Variants in MLLT3 observed in about 807,000 individuals in gnomAD.
The protein encoded by MLLT3 is protein AF-9.
MLLT3 carries 4 observed loss-of-function variants against 53.2 expected under a neutral mutation model. The ratio of observed to expected loss-of-function variants is 0.08; its 90% CI spans 0.04 to 0.17. MLLT3 has a LOEUF of 0.17. Among genes scored for constraint, MLLT3 ranks in the 10% least tolerant of loss-of-function variants. The probability of loss-of-function intolerance (pLI) is 1.00; values close to 1 mark genes in which losing one functional copy is unlikely to be tolerated. For missense variants in MLLT3, 569 were observed against 684.0 expected (o/e 0.83, Z 1.87); for synonymous variants, 283 against 230.6 (o/e 1.23, Z -2.06).
intron 2 of MLLT3, among the ~76,000 whole-genome samples, chr9:20,534,506 A>C (rs1818427962): frequency 6.6e-6 from 1 of 152,074 alleles, no homozygotes; most frequent in African/African-American, 2.4e-5. Flanking sequence ...TTCATTTTTC[A>C]CTCTGCTTTG....
At chr9:20,394,441 T>G (rs1822267942) in intron 5 of MLLT3, among the ~76,000 whole-genome samples, 1 of 152,170 alleles carries the variant, frequency 6.6e-6, no homozygotes, top group South Asian at 2.1e-4. Context: ...GAGAATTAAC[T>G]GTTTAAGGCT....
chr9:20,620,864 G>C lies in MLLT3; in HGVS notation c.13-30C>G, dbSNP rs1296463826. On this transcript the variant is annotated intron_variant, in intron 1 of 10. Transcript: ENST00000380338. The surrounding 1 kb of genome is among the most constrained non-coding windows in gnomAD (Gnocchi z 6.1). ...GGGCAGGGGGAGGAGAGACAGCCGT[G>C]AATAACAGGAAGGCGAGGTTTCGGC... The C allele has an allele frequency of 6.2e-7, 1 of 1,605,120 alleles. No individual in the cohort carries two copies. Among genetic ancestry groups the C allele is most frequent in the Non-Finnish European group, 8.5e-7 (1 of 1,174,758 alleles).
intron 4 of MLLT3, among the ~76,000 whole-genome samples, chr9:20,427,563 C>T (rs140523425): frequency 3.0e-3 from 458 of 151,834 alleles, no homozygotes; most frequent in African/African-American, 0.011. Context: ...CAAATATGAT[C>T]AAAGTCATGA....
chr9:20,546,540 T>C (rs1432141414), intron 2 of MLLT3, among the ~76,000 whole-genome samples: 1 of 111,244 alleles, frequency 9.0e-6, no homozygotes, highest in African/African-American at 3.4e-5. Context: ...CAAGAACCTA[T>C]CACTTAAAAA....
chr9:20,468,499 G>A (rs1008252926), intron 2 of MLLT3, among the ~76,000 whole-genome samples: 1 of 152,084 alleles, frequency 6.6e-6, no homozygotes, highest in African/African-American at 2.4e-5. Flanking sequence ...TTTAAGTAAG[G>A]CTTCCGAGGT....
At chr9:20,554,661 T>C (rs1398893804) in intron 2 of MLLT3, among the ~76,000 whole-genome samples, 1 of 152,208 alleles carries the variant, frequency 6.6e-6, no homozygotes, top group African/African-American at 2.4e-5. Flanking sequence ...CTGACAAGGA[T>C]ACCTACTTTC....
intron 2 of MLLT3, among the ~76,000 whole-genome samples, chr9:20,605,402 C>T (rs1563840653): frequency 6.6e-6 from 1 of 151,792 alleles, no homozygotes; most frequent in Non-Finnish European, 1.5e-5. Flanking sequence ...ATTTATAAAT[C>T]AAGTGTCTGA....
chr9:20,437,292 A>T (rs1823429382), intron 4 of MLLT3, among the ~76,000 whole-genome samples: 2 of 152,216 alleles, frequency 1.3e-5, no homozygotes, highest in Non-Finnish European at 2.9e-5. Context: ...AGGCACATAC[A>T]TCTGATGTCA....
At chr9:20,348,074 G>A (rs970341355) in intron 10 of MLLT3, among the ~76,000 whole-genome samples, 7 of 152,062 alleles carry the variant, frequency 4.6e-5, no homozygotes, top group East Asian at 1.9e-4. Context: ...CCAATTAACT[G>A]CTCAACTCCA....
At chr9:20,572,568 C>T (rs1053192182) in intron 2 of MLLT3, among the ~76,000 whole-genome samples, 6 of 152,074 alleles carry the variant, frequency 3.9e-5, no homozygotes, top group Non-Finnish European at 8.8e-5. Context: ...CCGAGGCAGG[C>T]GAATCACTTG....
intron 5 of MLLT3, among the ~76,000 whole-genome samples, chr9:20,384,354 G>A (rs1041677238): frequency 2.0e-5 from 3 of 151,944 alleles, no homozygotes; most frequent in East Asian, 1.9e-4. Flanking sequence ...ATTATATAGC[G>A]TCTGGTCATG....
intron 5 of MLLT3, among the ~76,000 whole-genome samples, chr9:20,402,705 G>A (rs1290012673): frequency 6.1e-4 from 93 of 151,900 alleles, no homozygotes; most frequent in Non-Finnish European, 5.9e-5. Context: ...TATTCTGGTT[G>A]GCAATATCCC....
intron 10 of MLLT3, among the ~76,000 whole-genome samples, 161 bp downstream of exon 10, chr9:20,353,363 TG>T (rs1296390250): frequency 1.3e-5 from 2 of 152,238 alleles, no homozygotes; most frequent in Non-Finnish European, 2.9e-5. Flanking sequence ...GACTTCTAGG[TG>T]GCCTCAGAAA....
chr9:20,584,000 A>G (rs930329801), intron 2 of MLLT3, among the ~76,000 whole-genome samples: 1 of 152,116 alleles, frequency 6.6e-6, no homozygotes, highest in Non-Finnish European at 1.5e-5. Context: ...AATTTTTGAA[A>G]CTTCTATGCT....
chr9:20,460,203 T>C (rs1484588949), intron 2 of MLLT3, among the ~76,000 whole-genome samples: 1 of 152,246 alleles, frequency 6.6e-6, no homozygotes. Flanking sequence ...CTTCTCTCAC[T>C]GCATCAAGTT....
intron 4 of MLLT3, among the ~76,000 whole-genome samples, chr9:20,436,596 A>G (rs1237825911): frequency 3.3e-5 from 5 of 152,144 alleles, no homozygotes; most frequent in Non-Finnish European, 5.9e-5. Context: ...TCTTCTTTTC[A>G]TTGCATTTCC....
chr9:20,404,347 T>C (rs1015073581), intron 5 of MLLT3, among the ~76,000 whole-genome samples: 5 of 152,206 alleles, frequency 3.3e-5, no homozygotes, highest in Admixed American at 2.0e-4. Context: ...CATAATGCAA[T>C]TGATAAAATT....
intron 2 of MLLT3, among the ~76,000 whole-genome samples, chr9:20,607,147 C>G (rs1000879204): frequency 6.6e-6 from 1 of 152,086 alleles, no homozygotes; most frequent in Non-Finnish European, 1.5e-5. Flanking sequence ...TTTGGAATCT[C>G]TTTGCAATAC....
intron 10 of MLLT3, among the ~76,000 whole-genome samples, chr9:20,353,102 T>C (rs1161137434): frequency 6.6e-6 from 1 of 152,088 alleles, no homozygotes; most frequent in Non-Finnish European, 1.5e-5. Flanking sequence ...CCTTAGAATA[T>C]CATTGGCAAA....
Sources: gnomAD v4.1 joint callset for allele counts (sites outside exome capture counted in the v4.1 genomes callset) on GRCh38, gnomAD v4.1.1 for gene constraint, Gnocchi (gnomAD v3.1) non-coding constraint, MANE v1.5 for transcripts, NCBI Gene and HGNC (gene_info 2026-07-23, HGNC 2026-07-21) for gene names.